Variants in RALGAPA2 observed in about 807,000 individuals in gnomAD.
The protein encoded by RALGAPA2 is Ral GTPase activating protein catalytic subunit alpha 2, also known as ral GTPase-activating protein subunit alpha-2.
A neutral mutation model predicts 230.4 loss-of-function variants in RALGAPA2; 139 were observed. The ratio of observed to expected loss-of-function variants is 0.60; its 90% CI spans 0.53 to 0.69. The LOEUF (loss-of-function observed/expected upper bound fraction) is 0.69, where lower values mean the gene tolerates loss of function less well. RALGAPA2 is among the 30% of genes least tolerant of loss of function. The pLI is 0.00. For missense variants in RALGAPA2, 2,163 were observed against 2,276.0 expected, an observed-to-expected ratio of 0.95 and a Z score of 1.01; for synonymous variants, 847 against 837.8, an observed-to-expected ratio of 1.01 and a Z score of -0.19.
intron 37 of RALGAPA2, among the ~76,000 whole-genome samples, chr20:20,446,945 G>A (rs535768322): frequency 1.3e-5 from 2 of 152,318 alleles, no homozygotes; most frequent in Admixed American, 6.5e-5. Flanking sequence ...TTAGTTTGAT[G>A]GCCCATTTGT....
At chr20:20,577,744 T>C (rs2064863682) in intron 20 of RALGAPA2, among the ~76,000 whole-genome samples, 1 of 152,138 alleles carries the variant, frequency 6.6e-6, no homozygotes, top group Admixed American at 6.6e-5. Flanking sequence ...TAATATGGCA[T>C]TTATTTTTCT....
At chr20:20,559,072 T>G (rs2064175110) in intron 23 of RALGAPA2, among the ~76,000 whole-genome samples, 1 of 152,220 alleles carries the variant, frequency 6.6e-6, no homozygotes. Flanking sequence ...AAGAGATTAA[T>G]TTTAGAATAT....
chr20:20,462,411 C>T (rs1215616713), intron 37 of RALGAPA2, among the ~76,000 whole-genome samples: 1 of 152,190 alleles, frequency 6.6e-6, no homozygotes, highest in Admixed American at 6.5e-5. Context: ...CACGGGACAC[C>T]TGATCATCAC....
chr20:20,534,915 G>C (rs1190202120), intron 26 of RALGAPA2, among the ~76,000 whole-genome samples: 1 of 152,204 alleles, frequency 6.6e-6, no homozygotes, highest in Non-Finnish European at 1.5e-5. Context: ...CGCAATGTTA[G>C]CTTAATATTT....
intron 30 of RALGAPA2, among the ~76,000 whole-genome samples, chr20:20,523,093 C>T (rs1267233043): frequency 6.6e-6 from 1 of 151,984 alleles, no homozygotes; most frequent in Non-Finnish European, 1.5e-5. Flanking sequence ...CAGTCTGTGA[C>T]TTGGACTCTT....
intron 3 of RALGAPA2, chr20:20,659,863 GA>G (rs1209327399): frequency 5.2e-6 from 3 of 572,404 alleles, no homozygotes; most frequent in Non-Finnish European, 6.4e-6. Flanking sequence ...TGGACCAGCA[GA>G]GCATCCCCTA....
chr20:20,438,766 G>A (rs1485872782), intron 37 of RALGAPA2, among the ~76,000 whole-genome samples: 1 of 152,056 alleles, frequency 6.6e-6, no homozygotes, highest in East Asian at 1.9e-4. Flanking sequence ...ACTAAAAGAC[G>A]GACTAATTAT....
intron 9 of RALGAPA2, among the ~76,000 whole-genome samples, chr20:20,634,298 C>T (rs2066782669): frequency 6.6e-6 from 1 of 152,098 alleles, no homozygotes; most frequent in African/African-American, 2.4e-5. Context: ...TTTTTAGTCA[C>T]TGTCATGGGA....
At chr20:20,427,128 C>T (rs1473806455) in intron 37 of RALGAPA2, among the ~76,000 whole-genome samples, 1 of 152,160 alleles carries the variant, frequency 6.6e-6, no homozygotes. Flanking sequence ...GAGGCCAAAA[C>T]TAGCAGAAGA....
rs1397774981 is a variant in RALGAPA2 at position 20,571,857 on chromosome 20, C to T, written c.2991G>A (p.Trp997Ter). 3 of 1,608,472 alleles carry T rather than the reference C, an allele frequency of 1.9e-6. No homozygotes were observed. The South Asian group carries it at 3.3e-5, about 18-fold the overall frequency. Reference sequence around the variant, plus strand: ...ACACATATCCACTTGCCTTAAACAGCCATGATGCAAACATTCTGAGTGGTG... The same window carrying T: ...ACACATATCCACTTGCCTTAAACAGTCATGATGCAAACATTCTGAGTGGTG... ...LIPPLRMFAS[W>*]LFKAATLPNE... Residue 997 changes from tryptophan (W) to a stop codon, truncating the protein, a stop_gained, in exon 22 of 40, where the codon TGG becomes TGA. Transcript: ENST00000202677. LOFTEE classifies it high-confidence loss of function.
At chr20:20,705,505 AT>A (rs1053399365) in intron 1 of RALGAPA2, among the ~76,000 whole-genome samples, 1 of 151,482 alleles carries the variant, frequency 6.6e-6, no homozygotes, top group Non-Finnish European at 1.5e-5. Flanking sequence ...ACCCAGCTTG[AT>A]TTTTTTTTAA....
chr20:20,610,595 C>T (rs191427445), intron 14 of RALGAPA2, among the ~76,000 whole-genome samples: 1 of 152,270 alleles, frequency 6.6e-6, no homozygotes, highest in Admixed American at 6.5e-5. Context: ...ACTTTAGTAC[C>T]ACCCACCTTA....
intron 31 of RALGAPA2, 62 bp from the exon 32 acceptor site, chr20:20,513,346 C>A: frequency 3.2e-4 from 292 of 912,750 alleles, no homozygotes; most frequent in Non-Finnish European, 3.8e-4. Context: ...AACTCAACAC[C>A]TTTTTTTTGG....
At chr20:20,410,387 C>G in intron 38 of RALGAPA2, among the ~76,000 whole-genome samples, 1 of 152,090 alleles carries the variant, frequency 6.6e-6, no homozygotes. Context: ...TTATTATTTA[C>G]GTGTTTAATT....
At chr20:20,456,212 A>G (rs2061115252) in intron 37 of RALGAPA2, among the ~76,000 whole-genome samples, 1 of 152,252 alleles carries the variant, frequency 6.6e-6, no homozygotes, top group Admixed American at 6.5e-5. Flanking sequence ...CCCTAATTAG[A>G]AATTCCTTAA....
intron 26 of RALGAPA2, among the ~76,000 whole-genome samples, chr20:20,533,444 G>T (rs1165363675): frequency 6.6e-6 from 1 of 151,954 alleles, no homozygotes; most frequent in Non-Finnish European, 1.5e-5. Context: ...CACTATATAG[G>T]ACAATTCTAA....
At chr20:20,515,635 G>C (rs2062846940) in intron 31 of RALGAPA2, among the ~76,000 whole-genome samples, 1 of 152,230 alleles carries the variant, frequency 6.6e-6, no homozygotes, top group Non-Finnish European at 1.5e-5. Context: ...AAACATAAAA[G>C]TAGAAGCAGC....
chr20:20,517,816 T>TA (rs200028814), intron 31 of RALGAPA2, among the ~76,000 whole-genome samples: 139 of 130,518 alleles, frequency 1.1e-3, no homozygotes, highest in South Asian at 1.7e-3. Context: ...AAAAAGAAAT[T>TA]AAAAAAAAAA....
intron 24 of RALGAPA2, among the ~76,000 whole-genome samples, chr20:20,543,143 C>G (rs781180806): frequency 6.6e-6 from 1 of 152,090 alleles, no homozygotes; most frequent in Non-Finnish European, 1.5e-5. Context: ...CTCCCAGGTT[C>G]AAGCGATTCT....
Sources: allele counts gnomAD v4.1 joint callset (sites outside exome capture counted in the v4.1 genomes callset), GRCh38; gene constraint gnomAD v4.1.1; transcripts MANE v1.5; gene names NCBI Gene and HGNC (gene_info 2026-07-23, HGNC 2026-07-21).